Variants in DHX33 observed in about 807,000 individuals in gnomAD.
DHX33 encodes ATP-dependent RNA helicase DHX33.
In DHX33, 42 loss-of-function variants were observed where a neutral mutation model predicts 72.5. The observed-to-expected ratio is 0.58, with a 90% CI of 0.45 to 0.75. DHX33 has a LOEUF of 0.75. DHX33 is among the 30% of genes least tolerant of loss of function. DHX33 has a pLI of 0.00. For missense variants in DHX33, 842 were observed against 917.5 expected (o/e 0.92, Z 1.06); for synonymous variants, 358 against 366.1 (o/e 0.98, Z 0.25).
At chr17:5,456,886 T>C (rs1904344548) in intron 4 of DHX33, among the ~76,000 whole-genome samples, 1 of 152,158 alleles carries the variant, frequency 6.6e-6, no homozygotes, top group Admixed American at 6.5e-5. Flanking sequence ...GAAAGCGCTT[T>C]CACACGCCCC....
intron 1 of DHX33, among the ~76,000 whole-genome samples, chr17:5,466,713 A>T (rs2151693656): frequency 6.6e-6 from 1 of 152,348 alleles, no homozygotes; most frequent in East Asian, 1.9e-4. Flanking sequence ...CTTTGCAGCT[A>T]GGTAAAACCT....
rs763789572 is a variant in DHX33, at chr17:5,453,540, C to T, written c.1396+40G>A. Reference sequence around the variant, plus strand: ...GAAGTGTCCATTTGTTGTTGTTTGTCTCCTCACCCACCTTCTGCAAAACTG... The same window carrying T: ...GAAGTGTCCATTTGTTGTTGTTTGTTTCCTCACCCACCTTCTGCAAAACTG... On this transcript the variant is annotated intron_variant, in intron 8 of 11. Coordinates refer to ENST00000225296, the MANE Select transcript of DHX33 (RefSeq NM_020162.4). The T allele has an allele frequency of 3.2e-6, 5 of 1,545,174 alleles. No homozygotes were observed. In the African/African-American group the frequency reaches 6.8e-5, roughly 21 times the overall value.
Position 5,453,552 on chromosome 17 carries a change from C to T in DHX33, c.1396+28G>A, listed in dbSNP as rs750992830. The T allele has an allele frequency of 7.5e-6, 12 of 1,600,136 alleles. No individual in the cohort carries two copies. The African/African-American group carries it at 1.6e-4, about 21-fold the overall frequency. On this transcript the variant is annotated intron_variant, in intron 8 of 11. Coordinates refer to ENST00000225296, the MANE Select transcript of DHX33 (RefSeq NM_020162.4). ...TGTTGTTGTTTGTCTCCTCACCCAC[C>T]TTCTGCAAAACTGTGGATTTCACTT...
At position 5,454,005 on chromosome 17, in the gene DHX33, G is replaced by C. The variant is rs758987649; in HGVS notation, c.1148-25C>G. 4.4e-6 allele frequency: 7 copies of C among 1,609,184 alleles called. No individual in the cohort carries two copies. In the South Asian group the frequency reaches 5.5e-5, roughly 13 times the overall value. ...TCTGGATGGAGAGTGAGCCCCATTAGTGCTTCATCACATGAACAAACTCTT... is the reference window on the plus strand; with the variant it reads ...TCTGGATGGAGAGTGAGCCCCATTACTGCTTCATCACATGAACAAACTCTT... On this transcript the variant is annotated intron_variant, in intron 6 of 11. Coordinates refer to ENST00000225296, the MANE Select transcript of DHX33 (RefSeq NM_020162.4).
In DHX33 at chr17:5,466,119, T is replaced by C. The variant is rs915211871; in HGVS notation, c.290-2430A>G. On this transcript the variant is annotated intron_variant, in intron 1 of 11. Transcript: ENST00000225296. The stretch of plus-strand genomic sequence containing the variant: ...CAGATGGTCCCTGTCTTAGAACTGT[T>C]TGACTTCAGGATGGAGCAAAAGTCA... Among the ~76,000 whole-genome samples, 6 of 152,178 alleles carry C rather than the reference T, an allele frequency of 3.9e-5. No homozygotes were observed. In the South Asian group the frequency reaches 1.0e-3, roughly 26 times the overall value.
At position 5,443,306 on chromosome 17, in the gene DHX33, G is replaced by C. The variant is rs557896141; in HGVS notation, c.*899C>G. The C allele has an allele frequency of 2.9e-4, 40 of 136,302 alleles. No individual in the cohort carries two copies. The highest frequency in any genetic ancestry group is 1.0e-3 in the African/African-American group (38 of 36,536). The allele number at this position is 136,302 out of a possible 1,614,324, so 8.4% of individuals were successfully genotyped here. A position where few individuals can be genotyped will look rare whatever the true frequency, so the allele number is the denominator to read the frequency against. Reference sequence around the variant, plus strand: ...TGGTACACAGTCACTCCTCATGCCCGCATGTTCACTGGTGCCCAGTTAGAG... The same window carrying C: ...TGGTACACAGTCACTCCTCATGCCCCCATGTTCACTGGTGCCCAGTTAGAG... On this transcript the variant is annotated 3_prime_UTR_variant, in exon 12 of 12. Transcript: ENST00000225296.
chr17:5,462,319 T>C lies in DHX33; in HGVS notation c.678A>G (p.Lys226=), dbSNP rs751498950. The change falls in exon 3 of 12, where the codon AAA becomes AAG. Residue 226 remains lysine (K), a splice_region_variant and synonymous_variant. Coordinates refer to ENST00000225296, the MANE Select transcript of DHX33 (RefSeq NM_020162.4). ...CTTTCAGGGGAAGTTTCCCTCATAC[T>C]TTCAGAGGAAGTTTCCCGAGTTCCT... ...RRKELGKLPL[K]VIVMSATMDV... The C allele has an allele frequency of 1.1e-5, 18 of 1,613,122 alleles. No individual in the cohort carries two copies. In the Admixed American group the frequency reaches 1.2e-4, roughly 10 times the overall value.
At chr17:5,463,719 C>G in intron 1 of DHX33, 30 bp from the exon 2 acceptor site, 2 of 1,554,564 alleles carry the variant, frequency 1.3e-6, no homozygotes, top group Non-Finnish European at 1.7e-6. Flanking sequence ...AAAAAAAAGG[C>G]TCACTGAAAT....
Position 5,463,637 on chromosome 17 carries a change from T to TC in DHX33, c.341dup (p.Gly115ArgfsTer24). 6.2e-7 allele frequency: 1 copy of TC among 1,613,500 alleles called. No homozygotes were observed. The highest frequency in any genetic ancestry group is 8.5e-7 in the Non-Finnish European group (1 of 1,179,910). On this transcript the variant is annotated frameshift_variant, in exon 2 of 12. Coordinates refer to ENST00000225296, the MANE Select transcript of DHX33 (RefSeq NM_020162.4). LOFTEE classifies it high-confidence loss of function. ...CAATGATGCCCTGGCGGCTGATCCC[T>TC]CCTTCATACAGGTACTGAGGGATCT...
intron 2 of DHX33, 53 bp downstream of exon 2, chr17:5,463,476 G>T: frequency 6.4e-7 from 1 of 1,562,418 alleles, no homozygotes; most frequent in Non-Finnish European, 8.7e-7. Flanking sequence ...AGTGGGCATG[G>T]GGAGAGAGCT....
chr17:5,468,482 C>A, intron 1 of DHX33, 89 bp downstream of exon 1: 1 of 1,464,254 alleles, frequency 6.8e-7, no homozygotes, highest in South Asian at 1.3e-5. Flanking sequence ...AAGCCACGAA[C>A]GAAAGGGATT....
intron 11 of DHX33, 164 bp downstream of exon 11, chr17:5,448,645 A>AC: frequency 2.4e-6 from 1 of 422,088 alleles, no homozygotes; most frequent in Non-Finnish European, 4.2e-6. Flanking sequence ...AATAGGCTAA[A>AC]CTACTGAATT....
chr17:5,463,045 C>T (rs1427505871), intron 2 of DHX33, among the ~76,000 whole-genome samples: 1 of 151,936 alleles, frequency 6.6e-6, no homozygotes, highest in East Asian at 1.9e-4. Flanking sequence ...CGCCACTGCA[C>T]CTCAGCCTGG....
At position 5,463,619 on chromosome 17, in the gene DHX33, G is replaced by A. The variant is rs1172651486; in HGVS notation, c.360C>T (p.Gly120=). The A allele has an allele frequency of 1.2e-6, 2 of 1,613,834 alleles. No individual in the cohort carries two copies. Among genetic ancestry groups the A allele is most frequent in the African/African-American group, 2.7e-5 (2 of 74,840 alleles). ...YLYEGGISRQ[G]IIAVTQPRRV... The stretch of plus-strand genomic sequence containing the variant: ...GACGAGGCTGGGTCACAGCAATGAT[G>A]CCCTGGCGGCTGATCCCTCCTTCAT... Residue 120 remains glycine, a synonymous_variant, in exon 2 of 12, where the codon GGC becomes GGT. Transcript: ENST00000225296.
intron 5 of DHX33, 33 bp from the exon 6 acceptor site, chr17:5,455,304 T>A (rs762400749): frequency 6.4e-7 from 1 of 1,555,666 alleles, no homozygotes; most frequent in Non-Finnish European, 8.9e-7. Context: ...AAAGCCGCAT[T>A]GACACACGGA....
intron 2 of DHX33, 113 bp from the exon 3 acceptor site, chr17:5,462,659 T>C: frequency 1.4e-6 from 1 of 722,014 alleles, no homozygotes; most frequent in East Asian, 2.5e-5. Context: ...CACCAACGCT[T>C]CCCACTCCCT....
chr17:5,454,029 T>G (rs764410657), intron 6 of DHX33, 49 bp from the exon 7 acceptor site: 1 of 1,593,430 alleles, frequency 6.3e-7, no homozygotes, highest in African/African-American at 1.3e-5. Context: ...GAACAAACTC[T>G]TTCTACAGTG....
Position 5,444,350 on chromosome 17 carries a change from T to A in DHX33, c.1979A>T (p.His660Leu), listed in dbSNP as rs746321768. 4.3e-6 allele frequency: 7 copies of A among 1,614,010 alleles called. No homozygotes were observed. The East Asian group carries it at 1.6e-4, about 36-fold the overall frequency. The change falls in exon 12 of 12, where the codon CAC (histidine) becomes CTC (leucine). Residue 660 changes from histidine to leucine, a missense_variant. His to Leu is a moderately conservative substitution (Grantham distance 99, BLOSUM62 -3). Coordinates refer to ENST00000225296, the MANE Select transcript of DHX33 (RefSeq NM_020162.4). This position sits in a 1 kb window ranked among gnomAD's most constrained non-coding sequence, Gnocchi z 4.9. ...GTACACGACGCAGGCCGGCTTGCAG[T>A]GGAAGAGGACAGACGACGGGTGGAT... ...VAIHPSSVLF[H>L]CKPACVVYTE...
intron 9 of DHX33, 55 bp from the exon 10 acceptor site, chr17:5,450,461 G>A (rs1916852566): frequency 1.9e-6 from 3 of 1,571,066 alleles, no homozygotes; most frequent in South Asian, 1.1e-5. Context: ...GCTTTAGAAT[G>A]CACTATTTCT....
Sources: allele counts gnomAD v4.1 joint callset (sites outside exome capture counted in the v4.1 genomes callset), GRCh38; gene constraint gnomAD v4.1.1; non-coding constraint Gnocchi (gnomAD v3.1); transcripts MANE v1.5; gene names NCBI Gene and HGNC (gene_info 2026-07-23, HGNC 2026-07-21).